CTNND2: variants seen among roughly 807,000 people sequenced by gnomAD.
The protein encoded by CTNND2 is catenin delta-2.
CTNND2 carries 22 observed loss-of-function variants against 144.4 expected under a neutral mutation model. That is an observed-to-expected ratio of 0.15 (90% CI 0.11 to 0.22). The LOEUF (loss-of-function observed/expected upper bound fraction) is 0.22, where lower values mean the gene tolerates loss of function less well. Ranked by LOEUF, CTNND2 falls within the 10% of genes least tolerant of loss-of-function variation. The pLI is 1.00. For missense variants in CTNND2, 1,353 were observed against 1,618.8 expected (o/e 0.84, Z 2.82); for synonymous variants, 751 against 695.6 (o/e 1.08, Z -1.25).
At chr5:11,053,136 C>G (rs1746014506) in intron 16 of CTNND2, among the ~76,000 whole-genome samples, 1 of 152,208 alleles carries the variant, frequency 6.6e-6, no homozygotes, top group African/African-American at 2.4e-5. Context: ...GAGTTAATCT[C>G]AGATGACTAA....
intron 9 of CTNND2, among the ~76,000 whole-genome samples, chr5:11,303,695 G>C (rs944738075): frequency 6.6e-6 from 1 of 152,098 alleles, no homozygotes; most frequent in Non-Finnish European, 1.5e-5. Flanking sequence ...GGAAGTATGT[G>C]GTAATGGGAA....
chr5:11,735,840 T>C (rs983010632), intron 1 of CTNND2, among the ~76,000 whole-genome samples: 2 of 152,156 alleles, frequency 1.3e-5, no homozygotes, highest in Admixed American at 1.3e-4. Context: ...TCTCTATAAA[T>C]TACTCAGTCT....
intron 2 of CTNND2, among the ~76,000 whole-genome samples, chr5:11,628,064 TG>T (rs371289806): frequency 6.6e-6 from 1 of 152,126 alleles, no homozygotes; most frequent in African/African-American, 2.4e-5. Context: ...TGCCAATCCA[TG>T]GCCCAGGGGT....
intron 1 of CTNND2, among the ~76,000 whole-genome samples, chr5:11,737,732 G>A (rs77452547): frequency 0.011 from 1,618 of 152,184 alleles, 12 homozygotes; most frequent in Middle Eastern, 0.027. Context: ...GGTTAAATGG[G>A]GTCACAGAGT....
chr5:11,309,172 C>T (rs2150046744), intron 9 of CTNND2, among the ~76,000 whole-genome samples: 1 of 152,246 alleles, frequency 6.6e-6, no homozygotes, highest in East Asian at 1.9e-4. Flanking sequence ...GGGGCACTGC[C>T]TAGTGGAGCT....
chr5:11,177,289 G>C (rs1760570253), intron 11 of CTNND2, among the ~76,000 whole-genome samples: 1 of 152,112 alleles, frequency 6.6e-6, no homozygotes, highest in African/African-American at 2.4e-5. Context: ...TGGTGCTTTT[G>C]TTTCTAGGTG....
intron 1 of CTNND2, among the ~76,000 whole-genome samples, chr5:11,847,674 C>G (rs924429635): frequency 6.6e-6 from 1 of 151,914 alleles, no homozygotes; most frequent in Admixed American, 6.6e-5. Flanking sequence ...GTGTTGAATG[C>G]GATAATTACC....
intron 11 of CTNND2, among the ~76,000 whole-genome samples, chr5:11,165,819 C>G (rs184742284): frequency 6.6e-6 from 1 of 152,170 alleles, no homozygotes; most frequent in African/African-American, 2.4e-5. Context: ...CTTTATAATG[C>G]TTTAATACAG....
intron 3 of CTNND2, among the ~76,000 whole-genome samples, chr5:11,524,637 C>T (rs1029107397): frequency 2.0e-5 from 3 of 152,212 alleles, no homozygotes; most frequent in South Asian, 2.1e-4. Context: ...AAGCTTCTGT[C>T]TGTTCCCCTC....
At chr5:11,156,044 C>A (rs1207312439) in intron 12 of CTNND2, among the ~76,000 whole-genome samples, 2 of 152,128 alleles carry the variant, frequency 1.3e-5, no homozygotes, top group Non-Finnish European at 2.9e-5. Context: ...GGCGTTAGGG[C>A]ATGAAGTGGG....
At chr5:11,829,221 C>A (rs1581964717) in intron 1 of CTNND2, among the ~76,000 whole-genome samples, 1 of 152,124 alleles carries the variant, frequency 6.6e-6, no homozygotes, top group African/African-American at 2.4e-5. Context: ...AAAAGTAAAA[C>A]CCCATTTTCT....
chr5:11,842,254 C>T (rs1014957442), intron 1 of CTNND2, among the ~76,000 whole-genome samples: 2 of 152,030 alleles, frequency 1.3e-5, no homozygotes, highest in Non-Finnish European at 2.9e-5. Flanking sequence ...ATTCTGAAAA[C>T]ACAGATTAAA....
intron 1 of CTNND2, among the ~76,000 whole-genome samples, chr5:11,783,077 T>C (rs1295659546): frequency 6.6e-6 from 1 of 151,496 alleles, no homozygotes. Flanking sequence ...ACTTAATAAA[T>C]TATGAAGAGG....
intron 9 of CTNND2, among the ~76,000 whole-genome samples, chr5:11,246,950 G>T (rs1743067323): frequency 6.6e-6 from 1 of 152,152 alleles, no homozygotes; most frequent in African/African-American, 2.4e-5. Flanking sequence ...GCCCTGATGT[G>T]TCCGACATCG....
At chr5:11,160,188 C>T (rs992656) in intron 11 of CTNND2, among the ~76,000 whole-genome samples, 1 of 152,206 alleles carries the variant, frequency 6.6e-6, no homozygotes. Context: ...GCCATGAAAG[C>T]TAAGTGCTTT....
At chr5:11,612,068 T>TAG (rs1780359563) in intron 2 of CTNND2, among the ~76,000 whole-genome samples, 1 of 111,056 alleles carries the variant, frequency 9.0e-6, no homozygotes. Flanking sequence ...TCACCAAGCC[T>TAG]ACGTAATGGA....
intron 2 of CTNND2, among the ~76,000 whole-genome samples, chr5:11,644,045 T>C (rs914136388): frequency 2.0e-5 from 3 of 152,236 alleles, no homozygotes; most frequent in Admixed American, 6.5e-5. Flanking sequence ...TCATTGATCT[T>C]ATTTCTTAAA....
intron 2 of CTNND2, among the ~76,000 whole-genome samples, chr5:11,679,303 G>T (rs1043430815): frequency 1.3e-5 from 2 of 152,256 alleles, no homozygotes; most frequent in African/African-American, 4.8e-5. Flanking sequence ...CCATTCAGGT[G>T]GTATTTACTG....
chr5:11,468,318 CTT>C (rs550184457), intron 3 of CTNND2, among the ~76,000 whole-genome samples: 37 of 152,290 alleles, frequency 2.4e-4, no homozygotes, highest in African/African-American at 7.7e-4. Context: ...ACAAAAGTGA[CTT>C]TTAAAAATTT....
Sources: allele counts gnomAD v4.1 joint callset (sites outside exome capture counted in the v4.1 genomes callset), GRCh38; gene constraint gnomAD v4.1.1; transcripts MANE v1.5; gene names NCBI Gene and HGNC (gene_info 2026-07-23, HGNC 2026-07-21).